Variants in UBAP2 observed in about 807,000 individuals in gnomAD.
The protein encoded by UBAP2 is ubiquitin associated protein 2, also known as ubiquitin-associated protein 2.
Under a neutral mutation model 139.6 loss-of-function variants are expected in UBAP2, and 75 were observed. The observed-to-expected ratio is 0.54, with a 90% CI of 0.45 to 0.65. The LOEUF (loss-of-function observed/expected upper bound fraction) is 0.65, where lower values mean the gene tolerates loss of function less well. UBAP2 is among the 30% of genes least tolerant of loss of function. The probability of loss-of-function intolerance (pLI) is 0.00; values close to 1 mark genes in which losing one functional copy is unlikely to be tolerated. For synonymous variants in UBAP2, 526 were observed against 526.2 expected, an observed-to-expected ratio of 1.00 and a Z score of 0.01; for missense variants, 1,368 against 1,369.6, an observed-to-expected ratio of 1.00 and a Z score of 0.02.
chr9:34,021,864 C>T (rs572049659), intron 1 of UBAP2, among the ~76,000 whole-genome samples: 97 of 152,138 alleles, frequency 6.4e-4, no homozygotes, highest in Non-Finnish European at 1.2e-3. Context: ...GAACTCCAGA[C>T]CTCGGGTGAT....
At chr9:33,956,047 A>G (rs957787294) in intron 11 of UBAP2, 32 bp downstream of exon 11, 2 of 1,551,926 alleles carry the variant, frequency 1.3e-6, no homozygotes, top group Admixed American at 1.9e-5. Flanking sequence ...AATGCTTTGA[A>G]TAACAAATAT....
At chr9:33,970,250 C>G (rs896260670) in intron 8 of UBAP2, among the ~76,000 whole-genome samples, 1 of 151,844 alleles carries the variant, frequency 6.6e-6, no homozygotes, top group African/African-American at 2.4e-5. Context: ...CAATTATTCA[C>G]GTTCTCACCT....
At chr9:33,949,811 G>C (rs2130959327) in intron 12 of UBAP2, among the ~76,000 whole-genome samples, 1 of 152,202 alleles carries the variant, frequency 6.6e-6, no homozygotes. Flanking sequence ...GCGATACATA[G>C]GTATTTGAAG....
intron 2 of UBAP2, chr9:34,011,542 G>T: frequency 1.2e-6 from 1 of 825,468 alleles, no homozygotes; most frequent in Non-Finnish European, 1.5e-6. Context: ...CCTGAGTCAA[G>T]AAAAAAATAA....
chr9:34,018,427 AT>A (rs1290588513), intron 1 of UBAP2, among the ~76,000 whole-genome samples: 4 of 152,128 alleles, frequency 2.6e-5, no homozygotes, highest in African/African-American at 9.7e-5. Flanking sequence ...TGGTACAACC[AT>A]CATTAAAAGA....
chr9:34,010,258 A>C (rs1823634183), intron 2 of UBAP2, among the ~76,000 whole-genome samples: 1 of 150,654 alleles, frequency 6.6e-6, no homozygotes. Flanking sequence ...ACCCCGTCTC[A>C]ACTAAAAATA....
At chr9:33,985,806 G>T (rs1821159048) in intron 6 of UBAP2, among the ~76,000 whole-genome samples, 1 of 152,086 alleles carries the variant, frequency 6.6e-6, no homozygotes, top group African/African-American at 2.4e-5. Context: ...TGGATCACTT[G>T]AGGCCAGGAG....
chr9:33,975,670 G>C (rs1587595746), intron 6 of UBAP2, among the ~76,000 whole-genome samples: 1 of 151,706 alleles, frequency 6.6e-6, no homozygotes, highest in African/African-American at 2.4e-5. Flanking sequence ...GCCAGGCGTA[G>C]TGGCAGGCGC....
At chr9:34,035,514 A>AAAAAAAAT in intron 1 of UBAP2, among the ~76,000 whole-genome samples, 1 of 22,492 alleles carries the variant, frequency 4.4e-5, no homozygotes, top group South Asian at 9.7e-4. Flanking sequence ...AAAAAAAAAA[A>AAAAAAAAT]ATATATATAT....
chr9:33,926,910 C>T, intron 21 of UBAP2, 79 bp downstream of exon 21: 2 of 1,436,834 alleles, frequency 1.4e-6, no homozygotes, highest in Non-Finnish European at 2.0e-6. Flanking sequence ...CAACCTGGGC[C>T]CAACGCCAGG....
chr9:34,022,864 T>C (rs778929387), intron 1 of UBAP2, among the ~76,000 whole-genome samples: 23 of 152,222 alleles, frequency 1.5e-4, no homozygotes, highest in Admixed American at 9.8e-4. Context: ...AGTTTACTCA[T>C]AGATTTCCAG....
At chr9:33,924,355 T>TG in intron 22 of UBAP2, 71 bp from the exon 23 acceptor site, 1 of 1,464,096 alleles carries the variant, frequency 6.8e-7, no homozygotes, top group Non-Finnish European at 9.6e-7. Flanking sequence ...AACCAGCACA[T>TG]GGAAGTGGTG....
At chr9:33,927,152 A>G in intron 20 of UBAP2, 72 bp from the exon 21 acceptor site, 1 of 1,204,292 alleles carries the variant, frequency 8.3e-7, no homozygotes, top group Non-Finnish European at 1.2e-6. Context: ...CTGCTTCAGG[A>G]GGAGGCACAG....
intron 1 of UBAP2, among the ~76,000 whole-genome samples, 158 bp from the exon 2 acceptor site, chr9:34,017,347 T>C (rs555221328): frequency 6.6e-6 from 1 of 152,346 alleles, no homozygotes; most frequent in Non-Finnish European, 1.5e-5. Flanking sequence ...CTGGTATCTG[T>C]TAAACCAATT....
chr9:34,038,628 C>T (rs546434015), intron 1 of UBAP2, among the ~76,000 whole-genome samples: 20 of 152,322 alleles, frequency 1.3e-4, no homozygotes, highest in African/African-American at 4.8e-4. Context: ...GATCTCGGCT[C>T]ACTACAACCT....
intron 2 of UBAP2, among the ~76,000 whole-genome samples, chr9:34,003,337 C>T (rs1429100907): frequency 1.3e-5 from 2 of 149,520 alleles, no homozygotes; most frequent in African/African-American, 4.9e-5. Context: ...GGCTGAGGTC[C>T]ATTCTTATAC....
chr9:34,039,111 C>A (rs1298592650), intron 1 of UBAP2, among the ~76,000 whole-genome samples: 6 of 151,150 alleles, frequency 4.0e-5, no homozygotes, highest in African/African-American at 1.5e-4. Flanking sequence ...AAGTGAGGAG[C>A]GTCTCCGCCC....
chr9:33,927,297 G>A (rs1257730728), intron 20 of UBAP2, among the ~76,000 whole-genome samples: 1 of 152,094 alleles, frequency 6.6e-6, no homozygotes, highest in Non-Finnish European at 1.5e-5. Flanking sequence ...GAGAGTTCCG[G>A]GCCCAGACAA....
Position 33,948,574 on chromosome 9 carries a change from C to T in UBAP2, c.1070G>A (p.Gly357Asp). The T allele has an allele frequency of 1.2e-6, 2 of 1,614,060 alleles. No homozygotes were observed. The highest frequency in any genetic ancestry group is 2.2e-5 in the South Asian group (2 of 91,074). Residue 357 changes from glycine (G) to aspartate (D), a missense_variant, in exon 13 of 29, where the codon GGC becomes GAC. Transcript: ENST00000379238. ...TGGTGCAAGCTCTCCAAATCCTGAG[C>T]CAAGGACGGATGACTTTAAAAGGGG... ...CSPQSLSSVLGSGFGELAPPK... is the reference protein window; with the variant it reads ...CSPQSLSSVLDSGFGELAPPK...
Sources: allele counts gnomAD v4.1 joint callset (sites outside exome capture counted in the v4.1 genomes callset), GRCh38; gene constraint gnomAD v4.1.1; transcripts MANE v1.5; gene names NCBI Gene and HGNC (gene_info 2026-07-23, HGNC 2026-07-21).